The following DOP1A variants were observed in gnomAD, a reference collection of about 807,000 sequenced individuals.
DOP1A encodes the protein protein DOP1A.
A neutral mutation model predicts 267.6 loss-of-function variants in DOP1A; 90 were observed. The ratio of observed to expected loss-of-function variants is 0.34; its 90% CI spans 0.28 to 0.40. The LOEUF (loss-of-function observed/expected upper bound fraction) is 0.40, where lower values mean the gene tolerates loss of function less well. Ranked by LOEUF, DOP1A falls within the 10% of genes least tolerant of loss-of-function variation. The pLI, the probability that DOP1A is intolerant of heterozygous loss-of-function variation, is 1.00. For missense variants in DOP1A, 2,437 were observed against 2,900.4 expected (o/e 0.84, Z 3.67); for synonymous variants, 932 against 999.1 (o/e 0.93, Z 1.27).
At chr6:83,093,751 C>T (rs528154066) in intron 1 of DOP1A, among the ~76,000 whole-genome samples, 1 of 152,092 alleles carries the variant, frequency 6.6e-6, no homozygotes, top group South Asian at 2.1e-4. Flanking sequence ...ACTAAAAATA[C>T]AAAAATTAGC....
At chr6:83,087,395 T>A (rs564606324) in intron 1 of DOP1A, among the ~76,000 whole-genome samples, 1 of 152,276 alleles carries the variant, frequency 6.6e-6, no homozygotes, top group African/African-American at 2.4e-5. Flanking sequence ...CTCCAATGTT[T>A]AGTTGCTCAT....
At chr6:83,078,346 TC>T (rs1442363078) in intron 1 of DOP1A, among the ~76,000 whole-genome samples, 1 of 152,224 alleles carries the variant, frequency 6.6e-6, no homozygotes, top group African/African-American at 2.4e-5. Flanking sequence ...CCAGGGATTA[TC>T]AAATGTACTT....
At chr6:83,099,678 A>G (rs1459900022) in intron 3 of DOP1A, among the ~76,000 whole-genome samples, 2 of 135,952 alleles carry the variant, frequency 1.5e-5, no homozygotes, top group Non-Finnish European at 3.1e-5. Context: ...CAAGGATTGC[A>G]TATGTGTGTG....
intron 4 of DOP1A, among the ~76,000 whole-genome samples, chr6:83,102,959 G>C (rs1438649112): frequency 6.6e-6 from 1 of 152,070 alleles, no homozygotes. Flanking sequence ...CTCTTGCCCT[G>C]TAACTCTCAA....
chr6:83,129,695 T>G (rs1307730985), intron 16 of DOP1A, among the ~76,000 whole-genome samples, 187 bp downstream of exon 16: 1 of 152,174 alleles, frequency 6.6e-6, no homozygotes, highest in African/African-American at 2.4e-5. Flanking sequence ...ATTTTGTGAT[T>G]TTGATGTCTT....
intron 38 of DOP1A, among the ~76,000 whole-genome samples, chr6:83,164,158 A>C (rs1784881685): frequency 6.7e-6 from 1 of 149,192 alleles, no homozygotes; most frequent in African/African-American, 2.5e-5. Context: ...GAGTCCTCCT[A>C]ATCAGGCAGC....
intron 1 of DOP1A, among the ~76,000 whole-genome samples, chr6:83,084,683 A>G (rs895320059): frequency 1.3e-5 from 2 of 151,952 alleles, no homozygotes; most frequent in African/African-American, 4.8e-5. Flanking sequence ...CCTGGGTTCA[A>G]GCGATTCTTG....
chr6:83,116,349 A>C (rs1371742885), intron 7 of DOP1A, among the ~76,000 whole-genome samples: 1 of 152,184 alleles, frequency 6.6e-6, no homozygotes, highest in Non-Finnish European at 1.5e-5. Flanking sequence ...TTAAGGAAAT[A>C]CTGGTTTATT....
intron 7 of DOP1A, among the ~76,000 whole-genome samples, chr6:83,117,697 A>G (rs1195269382): frequency 6.6e-6 from 1 of 152,154 alleles, no homozygotes; most frequent in African/African-American, 2.4e-5. Flanking sequence ...ACATCTTTGT[A>G]TTGTTATGAA....
At chr6:83,109,246 A>G (rs1925783) in intron 5 of DOP1A, among the ~76,000 whole-genome samples, 166 bp downstream of exon 5, 99,067 of 152,070 alleles carry the variant, frequency 0.65, 33,791 homozygotes, top group Middle Eastern at 0.78. Flanking sequence ...TATCTAGTCT[A>G]TGTATCATAC....
At position 83,152,349 on chromosome 6, in the gene DOP1A, A is replaced by G. The variant is rs779812421; in HGVS notation, c.6111A>G (p.Ala2037=). ...CTCCTTCTGTATATAGTGTCCATGC[A>G]TTGACATTACTCTCTGAGGTAAATA... ...NITPSVYSVH[A]LTLLSEVLAH... is the part of the protein sequence containing the mutation. Residue 2037 remains alanine (A), a synonymous_variant, in exon 30 of 39, where the codon GCA becomes GCG. Coordinates refer to ENST00000349129, the MANE Select transcript of DOP1A (RefSeq NM_015018.4). The G allele has an allele frequency of 1.8e-5, 28 of 1,546,382 alleles. No homozygotes were observed. The highest frequency in any genetic ancestry group is 2.2e-5 in the Non-Finnish European group (25 of 1,145,522).
chr6:83,155,700 T>A (rs1782651231), intron 33 of DOP1A, among the ~76,000 whole-genome samples: 1 of 152,208 alleles, frequency 6.6e-6, no homozygotes, highest in Admixed American at 6.5e-5. Flanking sequence ...TAAATGGTAT[T>A]AGTGGTTTTA....
Position 83,108,912 on chromosome 6 carries a change from C to A in DOP1A, c.323C>A (p.Ser108Tyr), listed in dbSNP as rs778367801. The A allele has an allele frequency of 1.2e-6, 2 of 1,605,596 alleles. No individual in the cohort carries two copies. The highest frequency in any genetic ancestry group is 1.7e-6 in the Non-Finnish European group (2 of 1,175,952). Residue 108 changes from serine to tyrosine, a missense_variant and splice_region_variant, in exon 5 of 39, where the codon TCT becomes TAT. Ser to Tyr is a moderately radical substitution (Grantham distance 144). This residue lies in a region of DOP1A where 251 missense variants were observed against 359.1 expected (regional missense o/e 0.70). Coordinates refer to ENST00000349129, the MANE Select transcript of DOP1A (RefSeq NM_015018.4). ...RLAKDLFLYS[S>Y]GLFPLLANAA... ...CTTTGTCTTTATTTTTTTAATAGTTCTGGATTATTTCCTCTTCTTGCAAAT... is the reference window on the plus strand; with the variant it reads ...CTTTGTCTTTATTTTTTTAATAGTTATGGATTATTTCCTCTTCTTGCAAAT...
chr6:83,111,242 G>A (rs1178705845), intron 6 of DOP1A, among the ~76,000 whole-genome samples: 2 of 151,982 alleles, frequency 1.3e-5, no homozygotes, highest in East Asian at 1.9e-4. Context: ...GAGCCACTGC[G>A]CCTGGCTTGT....
chr6:83,159,802 A>G lies in DOP1A; in HGVS notation c.6804A>G (p.Ser2268=), dbSNP rs1288037701. 6.2e-7 allele frequency: 1 copy of G among 1,614,156 alleles called. No homozygotes were observed. Among genetic ancestry groups the G allele is most frequent in the Non-Finnish European group, 8.5e-7 (1 of 1,180,030 alleles). Residue 2268 remains serine, a synonymous_variant, in exon 37 of 39, where the codon TCA becomes TCG. Transcript: ENST00000349129. ...CACTGTCTCCTGCTTACAGGACTTCAGGGCCCTCTGTGGCTGGTCTGGAGA... is the reference window on the plus strand; with the variant it reads ...CACTGTCTCCTGCTTACAGGACTTCGGGGCCCTCTGTGGCTGGTCTGGAGA... ...LTADEDISRT[S]GPSVAGLETT... is the part of the protein sequence containing the mutation.
intron 5 of DOP1A, 104 bp downstream of exon 5, chr6:83,109,184 A>G (rs956550700): frequency 1.6e-5 from 15 of 958,282 alleles, no homozygotes; most frequent in Admixed American, 2.3e-5. Context: ...TATTCTAGAC[A>G]GTTCAGTATA....
At position 83,101,025 on chromosome 6, in the gene DOP1A, G is replaced by GTT. The variant is rs541159428; in HGVS notation, c.320+142_320+143dup. 9.8e-5 allele frequency: 51 copies of GTT among 521,468 alleles called. No homozygotes were observed. The South Asian group carries it at 2.9e-3, about 30-fold the overall frequency. The allele number at this position is 521,468 out of a possible 1,614,324, so 32.3% of individuals were successfully genotyped here. On this transcript the variant is annotated intron_variant, in intron 4 of 38. Transcript: ENST00000349129. ...GTTTTCAGATATCAATCTTTGTTTT[G>GTT]TTTTGTTTGAGACGGAGTCTTGCTC...
At chr6:83,110,747 A>AAATAATAAT (rs1774409133) in intron 6 of DOP1A, among the ~76,000 whole-genome samples, 1 of 152,222 alleles carries the variant, frequency 6.6e-6, no homozygotes, top group Non-Finnish European at 1.5e-5. Flanking sequence ...CAAGGAATAA[A>AAATAATAAT]AAACCCTCAA....
chr6:83,138,134 T>C lies in DOP1A; in HGVS notation c.4092T>C (p.Pro1364=). The C allele has an allele frequency of 6.2e-7, 1 of 1,613,970 alleles. No homozygotes were observed. Among genetic ancestry groups the C allele is most frequent in the Non-Finnish European group, 8.5e-7 (1 of 1,179,902 alleles). ...SRKSPNFNIH[P]LYQHVLLYLQ... Reference sequence around the variant, plus strand: ...AATCTCCCAATTTCAACATTCATCCTCTCTATCAACATGTGCTCCTGTATC... The same window carrying C: ...AATCTCCCAATTTCAACATTCATCCCCTCTATCAACATGTGCTCCTGTATC... Residue 1364 remains proline, a synonymous_variant, in exon 21 of 39, where the codon CCT becomes CCC. Transcript: ENST00000349129.
Sources: allele counts gnomAD v4.1 joint callset (sites outside exome capture counted in the v4.1 genomes callset), GRCh38; gene constraint gnomAD v4.1.1; regional missense constraint gnomAD v4.1.1; transcripts MANE v1.5; gene names NCBI Gene and HGNC (gene_info 2026-07-23, HGNC 2026-07-21).